ZNF514: variants seen among roughly 807,000 people sequenced by gnomAD.
The protein encoded by ZNF514 is zinc finger protein 514.
Under a neutral mutation model 9.7 loss-of-function variants are expected in ZNF514, and 12 were observed. That is an observed-to-expected ratio of 1.24 (90% confidence interval 0.79 to 2.01). ZNF514 has a LOEUF of 2.01. Among genes scored for constraint, ZNF514 ranks in the 30% most tolerant of loss-of-function variants. The pLI is 0.00. For missense variants in ZNF514, 467 were observed against 465.5 expected (o/e 1.00, Z -0.03); for synonymous variants, 158 against 163.7 (o/e 0.97, Z 0.27).
At position 95,159,821 on chromosome 2, in the gene ZNF514, G is replaced by T. The variant is rs929639721; in HGVS notation, c.-677C>A. On this transcript the variant is annotated 5_prime_UTR_variant, in exon 1 of 5. Coordinates refer to ENST00000295208, the MANE Select transcript of ZNF514 (RefSeq NM_032788.3). ...GCCGGGGCCCTTCAGAGCCAGCGCC[G>T]GTGGCGGGGTGCTGGCGCGGCGAAG... Among the ~76,000 whole-genome samples, 2 of 151,768 alleles carry T rather than the reference G, an allele frequency of 1.3e-5. No individual in the cohort carries two copies. The highest frequency in any genetic ancestry group is 4.8e-5 in the African/African-American group (2 of 41,420).
At chr2:95,130,820 C>T in the ZNF514 span, among the ~76,000 whole-genome samples, 5 of 152,152 alleles carry the variant, frequency 3.3e-5, no homozygotes, top group African/African-American at 1.2e-4. Flanking sequence ...TTACAGGGTC[C>T]TGGAACGATA....
Position 95,149,769 on chromosome 2 carries a change from C to A in ZNF514, c.716G>T (p.Arg239Ile), listed in dbSNP as rs191427886. 9.4e-5 allele frequency: 152 copies of A among 1,614,246 alleles called. No individual in the cohort carries two copies. Among genetic ancestry groups the A allele is most frequent in the Non-Finnish European group, 5.9e-6 (7 of 1,180,044 alleles). ...AAGGGATGAAATATGACCAAAGGCTCTTCCACAGTCACTGCATTCATACGG... is the reference window on the plus strand; with the variant it reads ...AAGGGATGAAATATGACCAAAGGCTATTCCACAGTCACTGCATTCATACGG... ...EKPYECSDCGRAFGHISSLIK... is the reference protein window; with the variant it reads ...EKPYECSDCGIAFGHISSLIK... The change falls in exon 5 of 5, where the codon AGA becomes ATA. Residue 239 changes from arginine to isoleucine, a missense_variant. Physicochemically the swap from Arg to Ile is moderately conservative, Grantham distance 97. Coordinates refer to ENST00000295208, the MANE Select transcript of ZNF514 (RefSeq NM_032788.3).
At chr2:95,135,137 G>A in the ZNF514 span, among the ~76,000 whole-genome samples, 4 of 152,060 alleles carry the variant, frequency 2.6e-5, no homozygotes, top group African/African-American at 9.7e-5. Context: ...TAATATAGCT[G>A]GGATTCTTAT....
chr2:95,126,392 A>AAAAAAAAAAAAAAAAAG, the ZNF514 span, among the ~76,000 whole-genome samples: 24 of 84,452 alleles, frequency 2.8e-4, no homozygotes, highest in African/African-American at 5.1e-4. Context: ...AAAAAAAAAA[A>AAAAAAAAAAAAAAAAAG]AAAGAAAGAA....
intron 2 of ZNF514, among the ~76,000 whole-genome samples, chr2:95,156,305 C>G (rs1457259308): frequency 1.3e-5 from 2 of 152,160 alleles, no homozygotes; most frequent in African/African-American, 4.8e-5. Flanking sequence ...CCTGAATCCC[C>G]CCTGAGGGCC....
At chr2:95,133,341 A>C in the ZNF514 span, among the ~76,000 whole-genome samples, 3 of 152,222 alleles carry the variant, frequency 2.0e-5, no homozygotes, top group Non-Finnish European at 1.5e-5. Context: ...CTCAAAAAGA[A>C]AAAGAAGAAG....
chr2:95,135,416 T>C, the ZNF514 span, among the ~76,000 whole-genome samples: 1 of 150,998 alleles, frequency 6.6e-6, no homozygotes, highest in Admixed American at 6.6e-5. Context: ...CTTCGTTCTT[T>C]CTTTTTTTTT....
the ZNF514 span, among the ~76,000 whole-genome samples, chr2:95,126,392 A>AAAAAAAAAAAAAAAAAAAAAAAAAAG: frequency 9.5e-5 from 8 of 84,454 alleles, no homozygotes; most frequent in African/African-American, 2.2e-4. Context: ...AAAAAAAAAA[A>AAAAAAAAAAAAAAAAAAAAAAAAAAG]AAAGAAAGAA....
chr2:95,146,513 G>C lies in ZNF514; in HGVS notation c.*2769C>G, dbSNP rs542950224. On this transcript the variant is annotated 3_prime_UTR_variant, in exon 5 of 5. Transcript: ENST00000295208. ...GGTTTGCAGGCTGAGATGTGGAAAGGCATGTCTGAGGGATGACAAGAGAGC... is the reference window on the plus strand; with the variant it reads ...GGTTTGCAGGCTGAGATGTGGAAAGCCATGTCTGAGGGATGACAAGAGAGC... Among the ~76,000 whole-genome samples the C allele has an allele frequency of 3.9e-4, 60 of 151,938 alleles. No individual in the cohort carries two copies. Among genetic ancestry groups the C allele is most frequent in the Non-Finnish European group, 7.2e-4 (49 of 68,008 alleles).
chr2:95,127,623 G>A, the ZNF514 span, among the ~76,000 whole-genome samples: 1 of 151,774 alleles, frequency 6.6e-6, no homozygotes, highest in Non-Finnish European at 1.5e-5. Flanking sequence ...TTTGTGTTTT[G>A]TGTTGTTTTT....
At chr2:95,141,189 G>A (rs926191494), downstream of ZNF514, among the ~76,000 whole-genome samples, 2 of 152,034 alleles carry the variant, frequency 1.3e-5, no homozygotes, top group Non-Finnish European at 2.9e-5. Flanking sequence ...CCAGTCTCAG[G>A]TATTTCTTTA....
rs1673413396 is a variant in ZNF514 at position 95,148,092 on chromosome 2, A to G, written c.*1190T>C. On this transcript the variant is annotated 3_prime_UTR_variant, in exon 5 of 5. Coordinates refer to ENST00000295208, the MANE Select transcript of ZNF514 (RefSeq NM_032788.3). ...AGGTAACATGTGCTACAGAGAAAGA[A>G]GTGCATAGAGGTGTTGTACTGCAAA... 1.3e-5 allele frequency: 2 copies of G among 152,290 alleles called. No homozygotes were observed. Among genetic ancestry groups the G allele is most frequent in the Admixed American group, 1.3e-4 (2 of 15,282 alleles). The allele number at this position is 152,290 out of a possible 1,614,324, so 9.4% of individuals were successfully genotyped here. A position where few individuals can be genotyped will look rare whatever the true frequency, so the allele number is the denominator to read the frequency against.
In ZNF514 at chr2:95,145,946, G is replaced by A. The variant is rs545797247; in HGVS notation, c.*3336C>T. On this transcript the variant is annotated 3_prime_UTR_variant, in exon 5 of 5. Transcript: ENST00000295208. ...CCCAACCTGCTGCTGCTCCTGACAA[G>A]AGCCACCTTGGGCACATGTTCTCAG... 1.3e-5 allele frequency among the ~76,000 whole-genome samples: 2 copies of A among 152,270 alleles called. No homozygotes were observed. The highest frequency in any genetic ancestry group is 2.1e-4 in the South Asian group (1 of 4,826).
chr2:95,154,775 CA>C (rs1389179879), intron 2 of ZNF514: 1 of 152,198 alleles, frequency 6.6e-6, no homozygotes, highest in African/African-American at 2.4e-5. Flanking sequence ...TGGCCAAAGA[CA>C]ATATACATCA....
the ZNF514 span, among the ~76,000 whole-genome samples, chr2:95,131,378 G>T: frequency 3.9e-5 from 6 of 152,120 alleles, no homozygotes; most frequent in African/African-American, 1.4e-4. Context: ...CAAACAAACC[G>T]GTACCTCCTC....
At position 95,150,119 on chromosome 2, in the gene ZNF514, C is replaced by G; in HGVS notation, c.366G>C (p.Gln122His). 1 of 1,612,080 alleles carries G rather than the reference C, an allele frequency of 6.2e-7. No homozygotes were observed. The highest frequency in any genetic ancestry group is 1.1e-5 in the South Asian group (1 of 91,082). The change falls in exon 5 of 5, where the codon CAG becomes CAC. Residue 122 changes from glutamine to histidine, a missense_variant. Physicochemically the swap from Gln to His is conservative, Grantham distance 24. Transcript: ENST00000295208. ...CCTGTTTTATCTGCTGCATCTCTAACTGGCCATCACAACCGCAGGCTGCTT... is the reference window on the plus strand; with the variant it reads ...CCTGTTTTATCTGCTGCATCTCTAAGTGGCCATCACAACCGCAGGCTGCTT... ...KLKAACGCDGQLEMQQIKQER... is the reference protein window; with the variant it reads ...KLKAACGCDGHLEMQQIKQER...
In ZNF514 at chr2:95,152,738, G is replaced by A; in HGVS notation, c.153C>T (p.Cys51=). The part of the protein sequence containing the change: ...GLLVSKPYVI[C]QLEEGGEPFM... ...AGGGCTCACCCCCTTCCTCCAACTG[G>A]CAGATCACATATGGTTTGGATACTA... The change falls in exon 4 of 5, where the codon TGC becomes TGT. Residue 51 remains cysteine, a synonymous_variant. Transcript: ENST00000295208. 1.2e-6 allele frequency: 2 copies of A among 1,614,142 alleles called. No homozygotes were observed. The highest frequency in any genetic ancestry group is 1.7e-6 in the Non-Finnish European group (2 of 1,180,034).
Position 95,149,382 on chromosome 2 carries a change from C to T in ZNF514, c.1103G>A (p.Gly368Glu). The T allele has an allele frequency of 6.2e-7, 1 of 1,614,180 alleles. No individual in the cohort carries two copies. Among genetic ancestry groups the T allele is most frequent in the Non-Finnish European group, 8.5e-7 (1 of 1,180,040 alleles). ...SLTQHYRFHT[G>E]EKPYKCNECG... ...CTCATTACATTTGTAGGGTTTCTCT[C>T]CAGTGTGAAATCTGTAATGTTGAGT... The change falls in exon 5 of 5, where the codon GGA becomes GAA. Residue 368 changes from glycine (G) to glutamate (E), a missense_variant. Transcript: ENST00000295208.
intron 1 of ZNF514, among the ~76,000 whole-genome samples, chr2:95,158,380 G>A (rs1443141361): frequency 6.6e-6 from 1 of 152,164 alleles, no homozygotes; most frequent in African/African-American, 2.4e-5. Context: ...TGAACAGTCG[G>A]ATTAAAATGC....
Sources: allele counts gnomAD v4.1 joint callset (sites outside exome capture counted in the v4.1 genomes callset), GRCh38; gene constraint gnomAD v4.1.1; transcripts MANE v1.5; gene names NCBI Gene and HGNC (gene_info 2026-07-23, HGNC 2026-07-21).